ATP13A4: variants seen among roughly 807,000 people sequenced by gnomAD.
The protein encoded by ATP13A4 is ATPase 13A4, also known as probable cation-transporting ATPase 13A4.
ATP13A4 carries 114 observed loss-of-function variants against 142.5 expected under a neutral mutation model. That is an observed-to-expected ratio of 0.80 (90% CI 0.69 to 0.93). ATP13A4 has a LOEUF of 0.93. Ranked by LOEUF, ATP13A4 falls within the 40% of genes least tolerant of loss-of-function variation. The pLI is 0.00. For missense variants in ATP13A4, 1,392 were observed against 1,454.0 expected (o/e 0.96, Z 0.69); for synonymous variants, 488 against 514.8 (o/e 0.95, Z 0.70).
At chr3:193,555,824 G>T (rs1723864755), upstream of ATP13A4, among the ~76,000 whole-genome samples, 1 of 152,128 alleles carries the variant, frequency 6.6e-6, no homozygotes, top group African/African-American at 2.4e-5. Flanking sequence ...CCCTAGCTCT[G>T]GCAAAATACC....
intron 5 of ATP13A4, among the ~76,000 whole-genome samples, chr3:193,492,064 T>C (rs556464034): frequency 2.0e-5 from 3 of 152,336 alleles, no homozygotes; most frequent in Non-Finnish European, 2.9e-5. Context: ...CTTGGTCAAA[T>C]GTATGAGAGC....
Position 193,480,626 on chromosome 3 carries a change from T to A in ATP13A4, c.808+3310A>T, listed in dbSNP as rs367974719. ...CGGCCATAATCAAAAAATCAAAAAA[T>A]AAGAGATGTTCACGAGGATGTGGTG... On this transcript the variant is annotated intron_variant, in intron 8 of 29. Transcript: ENST00000342695. 2.2e-4 allele frequency among the ~76,000 whole-genome samples: 34 copies of A among 152,006 alleles called. No homozygotes were observed. In the East Asian group the frequency reaches 6.4e-3, roughly 29 times the overall value.
chr3:193,442,276 CAAAAGCATGA>C, intron 19 of ATP13A4, 107 bp downstream of exon 19: 1 of 1,134,850 alleles, frequency 8.8e-7, no homozygotes, highest in Non-Finnish European at 1.3e-6. Context: ...TGAGTTCGTT[CAAAAGCATGA>C]ATGCTAGACA....
chr3:193,435,690 C>T lies in ATP13A4; in HGVS notation c.2727G>A (p.Leu909=). Residue 909 remains leucine (L), a synonymous_variant, in exon 24 of 30, where the codon CTG becomes CTA. Coordinates refer to ENST00000342695, the MANE Select transcript of ATP13A4 (RefSeq NM_032279.4). ...TSFCMFKYMA[L]YSMIQYVGVL... ...CACCAACATACTGAATCATGCTGTA[C>T]AGAGCCATGTACTTAAACATGCAAA... 6.2e-7 allele frequency: 1 copy of T among 1,614,116 alleles called. No homozygotes were observed. Among genetic ancestry groups the T allele is most frequent in the Non-Finnish European group, 8.5e-7 (1 of 1,180,000 alleles).
At chr3:193,549,772 C>T (rs540173313) in intron 1 of ATP13A4, among the ~76,000 whole-genome samples, 29 of 151,972 alleles carry the variant, frequency 1.9e-4, no homozygotes, top group South Asian at 4.2e-4. Flanking sequence ...GTTGAGGGTG[C>T]GGTGAGCTAT....
At position 193,440,539 on chromosome 3, in the gene ATP13A4, G is replaced by T; in HGVS notation, c.2519+19C>A. 1.2e-6 allele frequency: 2 copies of T among 1,613,662 alleles called. No individual in the cohort carries two copies. Among genetic ancestry groups the T allele is most frequent in the East Asian group, 4.5e-5 (2 of 44,880 alleles). ...TGCCTCCATGCAGTTCATGCCACCT[G>T]CACTGGCAAAGAACCTACTCCAGTT... is the stretch of plus-strand genomic sequence containing the variant. On this transcript the variant is annotated intron_variant, in intron 21 of 29. Transcript: ENST00000342695.
At chr3:193,461,163 T>C (rs1717923849) in intron 13 of ATP13A4, among the ~76,000 whole-genome samples, 1 of 152,210 alleles carries the variant, frequency 6.6e-6, no homozygotes, top group South Asian at 2.1e-4. Flanking sequence ...TAATTGTTAT[T>C]CCTTAAATGT....
rs527919336 is a variant in ATP13A4, at chr3:193,402,366, C to T, written c.*286G>A. ...CTAAGAGGAAAGATCACATATTTTT[C>T]CCCTTTAGCCTGCTTGTCTCTTGGC... On this transcript the variant is annotated 3_prime_UTR_variant, in exon 30 of 30. Transcript: ENST00000342695. 6 of 400,536 alleles carry T rather than the reference C, an allele frequency of 1.5e-5. No individual in the cohort carries two copies. The South Asian group carries it at 1.5e-4, about 10-fold the overall frequency. The allele number at this position is 400,536 out of a possible 1,614,324, so 24.8% of individuals were successfully genotyped here.
intron 8 of ATP13A4, among the ~76,000 whole-genome samples, chr3:193,474,496 A>G (rs1718822389): frequency 6.6e-6 from 1 of 150,966 alleles, no homozygotes; most frequent in Admixed American, 6.6e-5. Flanking sequence ...TGACTGCACC[A>G]TTGCACTCCA....
At chr3:193,542,834 T>C (rs1299684354) in intron 1 of ATP13A4, among the ~76,000 whole-genome samples, 4 of 152,164 alleles carry the variant, frequency 2.6e-5, no homozygotes, top group Non-Finnish European at 1.5e-5. Context: ...TAACTCAATA[T>C]GGATTAAAGT....
chr3:193,426,842 CA>C (rs35181511), intron 25 of ATP13A4, among the ~76,000 whole-genome samples: 2 of 151,580 alleles, frequency 1.3e-5, no homozygotes, highest in Admixed American at 1.3e-4. Flanking sequence ...AAAATTAACA[CA>C]AAAAATGGAT....
intron 12 of ATP13A4, among the ~76,000 whole-genome samples, chr3:193,463,324 T>G (rs1718068969): frequency 6.7e-6 from 1 of 149,624 alleles, no homozygotes; most frequent in Non-Finnish European, 1.5e-5. Flanking sequence ...CCTAGTTTCA[T>G]AGCAGAAGTT....
At chr3:193,497,176 A>G (rs1720287175) in intron 3 of ATP13A4, among the ~76,000 whole-genome samples, 1 of 152,220 alleles carries the variant, frequency 6.6e-6, no homozygotes, top group Non-Finnish European at 1.5e-5. Flanking sequence ...TGCATCTGAC[A>G]AGGGGTTAAT....
intron 18 of ATP13A4, among the ~76,000 whole-genome samples, chr3:193,444,734 G>C (rs1716841730): frequency 6.6e-6 from 1 of 152,160 alleles, no homozygotes. Flanking sequence ...GTGATGCCTA[G>C]AGCAACCATT....
At chr3:193,433,316 C>T (rs1007503696) in intron 25 of ATP13A4, among the ~76,000 whole-genome samples, 3 of 151,846 alleles carry the variant, frequency 2.0e-5, no homozygotes, top group African/African-American at 7.3e-5. Flanking sequence ...CTAAGACAGC[C>T]CTAAAAAAGA....
At chr3:193,477,743 C>A (rs79302947) in intron 8 of ATP13A4, among the ~76,000 whole-genome samples, 1 of 151,948 alleles carries the variant, frequency 6.6e-6, no homozygotes. Flanking sequence ...CAAAGATGAG[C>A]ATCGATGGAG....
intron 1 of ATP13A4, among the ~76,000 whole-genome samples, chr3:193,548,062 G>A (rs942062634): frequency 2.0e-5 from 3 of 152,140 alleles, no homozygotes; most frequent in Non-Finnish European, 4.4e-5. Flanking sequence ...TAGAAAAATA[G>A]TATAGTATGG....
intron 2 of ATP13A4, among the ~76,000 whole-genome samples, chr3:193,562,269 T>C (rs1422179445): frequency 2.6e-5 from 4 of 152,202 alleles, no homozygotes; most frequent in Non-Finnish European, 4.4e-5. Context: ...GTTGTACTTA[T>C]ACTACTTTAA....
intron 3 of ATP13A4, among the ~76,000 whole-genome samples, chr3:193,499,669 A>T (rs1720429406): frequency 6.6e-6 from 1 of 152,220 alleles, no homozygotes. Context: ...TCAGGATTCA[A>T]GCTGTATAAA....
Sources: gnomAD v4.1 joint callset for allele counts (sites outside exome capture counted in the v4.1 genomes callset) on GRCh38, gnomAD v4.1.1 for gene constraint, MANE v1.5 for transcripts, NCBI Gene and HGNC (gene_info 2026-07-23, HGNC 2026-07-21) for gene names.